Variants in INSC observed in about 807,000 individuals in gnomAD.
INSC encodes INSC spindle orientation adaptor protein, also known as protein inscuteable homolog.
Under a neutral mutation model 58.6 loss-of-function variants are expected in INSC, and 67 were observed. The observed-to-expected ratio is 1.14, with a 90% CI of 0.94 to 1.40. The LOEUF (loss-of-function observed/expected upper bound fraction) is 1.40, where lower values mean the gene tolerates loss of function less well. INSC is among the 40% of genes most tolerant of loss of function. INSC has a pLI of 0.00. For missense variants in INSC, 714 were observed against 692.0 expected (o/e 1.03, Z -0.36); for synonymous variants, 262 against 276.1 (o/e 0.95, Z 0.51).
the INSC span, among the ~76,000 whole-genome samples, chr11:15,262,254 G>A: frequency 6.6e-6 from 1 of 152,018 alleles, no homozygotes; most frequent in African/African-American, 2.4e-5. Flanking sequence ...CAGTGAATAA[G>A]TTATATACAA....
chr11:15,149,115 GC>G lies in INSC; in HGVS notation c.-45-12del. ...TTTTAGGATCTCGTTGTGCCATCCT[GC>G]CCTCTATTTTCAGGGTCACGACCGC... On this transcript the variant is annotated splice_polypyrimidine_tract_variant and intron_variant, in intron 1 of 12. Transcript: ENST00000379556. 1 of 1,591,988 alleles carries G rather than the reference GC, an allele frequency of 6.3e-7. No homozygotes were observed. Among genetic ancestry groups the G allele is most frequent in the East Asian group, 2.3e-5 (1 of 44,212 alleles).
intron 9 of INSC, among the ~76,000 whole-genome samples, chr11:15,228,316 G>A (rs1334072918): frequency 6.6e-6 from 1 of 152,144 alleles, no homozygotes; most frequent in Non-Finnish European, 1.5e-5. Flanking sequence ...GCCCCCTCTT[G>A]AAGCCTCACT....
Position 15,211,808 on chromosome 11 carries a change from T to G in INSC, c.820-9669T>G, listed in dbSNP as rs371793291. On this transcript the variant is annotated intron_variant, in intron 7 of 12. Transcript: ENST00000379556. ...TTCAGCACTGAATTGAAGTGATACC[T>G]TTTTCTTTTTTTTTTAAATAGTGAT... is the stretch of plus-strand genomic sequence containing the variant. Among the ~76,000 whole-genome samples the G allele has an allele frequency of 2.3e-3, 353 of 152,218 alleles. 1 individual carries two copies. The highest frequency in any genetic ancestry group is 8.0e-3 in the African/African-American group (331 of 41,548).
At chr11:15,130,350 G>A (rs1016974395) in intron 1 of INSC, among the ~76,000 whole-genome samples, 12 of 152,242 alleles carry the variant, frequency 7.9e-5, no homozygotes, top group Admixed American at 2.0e-4. Context: ...TGAGATGGCC[G>A]TAAGGTTTTT....
At chr11:15,201,149 C>T (rs1257594992) in intron 7 of INSC, among the ~76,000 whole-genome samples, 200 bp downstream of exon 7, 2 of 152,092 alleles carry the variant, frequency 1.3e-5, no homozygotes, top group East Asian at 1.9e-4. Context: ...ACTGATGAGC[C>T]TGAGCAGGAA....
intron 6 of INSC, among the ~76,000 whole-genome samples, chr11:15,197,773 T>C (rs1589957335): frequency 6.6e-6 from 1 of 151,496 alleles, no homozygotes; most frequent in African/African-American, 2.4e-5. Context: ...ATCAAAATTA[T>C]CCCCCCCACC....
chr11:15,128,388 A>T (rs1848048474), intron 1 of INSC, among the ~76,000 whole-genome samples: 1 of 152,192 alleles, frequency 6.6e-6, no homozygotes, highest in Admixed American at 6.5e-5. Context: ...TGGTGTCATA[A>T]TGTCATATCC....
chr11:15,111,542 G>A (rs778056251), upstream of INSC, among the ~76,000 whole-genome samples: 1 of 152,150 alleles, frequency 6.6e-6, no homozygotes, highest in Non-Finnish European at 1.5e-5. Context: ...GTCCTGAGGC[G>A]CCTACTTTGG....
intron 1 of INSC, among the ~76,000 whole-genome samples, chr11:15,117,555 T>C (rs150751211): frequency 1.1e-3 from 161 of 152,366 alleles, no homozygotes; most frequent in African/African-American, 3.8e-3. Context: ...ACTATGTTAG[T>C]TGGAACCATT....
At chr11:15,179,891 G>A (rs1379765739) in intron 5 of INSC, among the ~76,000 whole-genome samples, 1 of 152,230 alleles carries the variant, frequency 6.6e-6, no homozygotes, top group Non-Finnish European at 1.5e-5. Context: ...CTGAGCAGGG[G>A]TACAGGTGCT....
At chr11:15,231,833 G>A (rs1390328336) in intron 9 of INSC, among the ~76,000 whole-genome samples, 3 of 152,186 alleles carry the variant, frequency 2.0e-5, no homozygotes, top group Non-Finnish European at 4.4e-5. Context: ...TTGGTCTTCA[G>A]TATTAGTTTC....
At chr11:15,239,766 A>G (rs144302051) in intron 11 of INSC, among the ~76,000 whole-genome samples, 198 of 152,312 alleles carry the variant, frequency 1.3e-3, no homozygotes, top group African/African-American at 4.1e-3. Flanking sequence ...TATCTGGGTG[A>G]GTCAAAGAAT....
intron 1 of INSC, among the ~76,000 whole-genome samples, chr11:15,117,961 C>T (rs191927479): frequency 2.6e-5 from 4 of 152,340 alleles, no homozygotes; most frequent in Admixed American, 6.5e-5. Flanking sequence ...TCTTCCCTGT[C>T]TCAAAAGCTC....
At chr11:15,192,285 C>T (rs899010891) in intron 6 of INSC, among the ~76,000 whole-genome samples, 1 of 152,182 alleles carries the variant, frequency 6.6e-6, no homozygotes, top group East Asian at 1.9e-4. Flanking sequence ...GCAGAGAAGG[C>T]ACAAGGGCAT....
At chr11:15,183,145 C>T (rs1945635) in intron 5 of INSC, among the ~76,000 whole-genome samples, 111,060 of 151,748 alleles carry the variant, frequency 0.73, 41,389 homozygotes, top group East Asian at 0.99. Flanking sequence ...GTTGGGAGCT[C>T]GAGACCAGCC....
At chr11:15,267,745 A>G in the INSC span, among the ~76,000 whole-genome samples, 50 of 151,924 alleles carry the variant, frequency 3.3e-4, no homozygotes, top group East Asian at 7.4e-3. Flanking sequence ...ATCTGTTTCT[A>G]TTGATGGAGT....
intron 10 of INSC, among the ~76,000 whole-genome samples, chr11:15,237,616 A>G (rs552517598): frequency 6.6e-6 from 1 of 152,298 alleles, no homozygotes; most frequent in Non-Finnish European, 1.5e-5. Context: ...TGTCTACTGG[A>G]AGACAGGCCT....
intron 2 of INSC, among the ~76,000 whole-genome samples, chr11:15,153,949 C>CTCT (rs1848729409): frequency 6.6e-6 from 1 of 152,198 alleles, no homozygotes; most frequent in Non-Finnish European, 1.5e-5. Context: ...ATCTTAGAAG[C>CTCT]TCTGTGTCCC....
intron 1 of INSC, among the ~76,000 whole-genome samples, chr11:15,121,658 C>T (rs902115353): frequency 6.6e-6 from 1 of 152,152 alleles, no homozygotes; most frequent in African/African-American, 2.4e-5. Flanking sequence ...CAAACTTATA[C>T]CCACTGATTT....
Sources: gnomAD v4.1 joint callset for allele counts (sites outside exome capture counted in the v4.1 genomes callset) on GRCh38, gnomAD v4.1.1 for gene constraint, MANE v1.5 for transcripts, NCBI Gene and HGNC (gene_info 2026-07-23, HGNC 2026-07-21) for gene names.